SNX29: variants seen among roughly 807,000 people sequenced by gnomAD.
SNX29 encodes sorting nexin-29.
A neutral mutation model predicts 102.1 loss-of-function variants in SNX29; 78 were observed. That is an observed-to-expected ratio of 0.76 (90% CI 0.64 to 0.92). The LOEUF is 0.92. Among genes scored for constraint, SNX29 ranks in the 40% least tolerant of loss-of-function variants. The pLI is 0.00. For synonymous variants in SNX29, 580 were observed against 414.5 expected (o/e 1.40, Z -4.85); for missense variants, 1,280 against 1,061.7 (o/e 1.21, Z -2.86).
intron 20 of SNX29, 75 bp downstream of exon 20, chr16:12,524,916 G>T: frequency 1.3e-6 from 2 of 1,572,062 alleles, no homozygotes; most frequent in Non-Finnish European, 1.7e-6. Context: ...GAAGGTCAGG[G>T]AGCACAGCGG....
At chr16:12,126,431 G>T (rs144650556) in intron 11 of SNX29, among the ~76,000 whole-genome samples, 192 of 152,352 alleles carry the variant, frequency 1.3e-3, no homozygotes, top group Non-Finnish European at 1.9e-3. Context: ...TTGAACCTGG[G>T]ACCTGACTTC....
intron 19 of SNX29, among the ~76,000 whole-genome samples, chr16:12,523,802 C>A (rs1002762166): frequency 6.6e-6 from 1 of 152,186 alleles, no homozygotes; most frequent in Admixed American, 6.5e-5. Context: ...GACCTGGGGA[C>A]CTGTGCCTGC....
intron 20 of SNX29, among the ~76,000 whole-genome samples, chr16:12,560,044 G>T (rs1364674842): frequency 6.6e-6 from 1 of 151,870 alleles, no homozygotes; most frequent in African/African-American, 2.4e-5. Flanking sequence ...AATACACAAA[G>T]AAAAATGACT....
At chr16:12,164,811 C>T (rs2055944664) in intron 13 of SNX29, among the ~76,000 whole-genome samples, 2 of 151,746 alleles carry the variant, frequency 1.3e-5, no homozygotes, top group South Asian at 4.2e-4. Context: ...CCTCAGCCTC[C>T]TGAGTAGCTG....
chr16:12,170,981 T>C (rs1237062518), intron 13 of SNX29, among the ~76,000 whole-genome samples: 5 of 151,980 alleles, frequency 3.3e-5, no homozygotes, highest in Non-Finnish European at 7.4e-5. Context: ...CCAGCGTGTT[T>C]AGGGTGTTAG....
intron 16 of SNX29, among the ~76,000 whole-genome samples, chr16:12,397,056 T>A (rs1451547595): frequency 6.6e-6 from 1 of 152,152 alleles, no homozygotes; most frequent in Non-Finnish European, 1.5e-5. Context: ...TGGCTAATGT[T>A]TTTTTCCATT....
rs539133816 is a variant in SNX29 at position 12,566,913 on chromosome 16, G to A, written c.2319-1593G>A. On this transcript the variant is annotated intron_variant, in intron 20 of 20. Transcript: ENST00000566228. ...TACAGGAAAAGACAATCATTAAAAG[G>A]GGTCTTCATTTTGTTAGCTTATCAG... 4.6e-5 allele frequency among the ~76,000 whole-genome samples: 7 copies of A among 152,338 alleles called. No homozygotes were observed. In the South Asian group the frequency reaches 1.0e-3, roughly 23 times the overall value.
At position 12,484,211 on chromosome 16, in the gene SNX29, C is replaced by A. The variant is rs138168573; in HGVS notation, c.2178+6352C>A. Among the ~76,000 whole-genome samples, 8 of 152,128 alleles carry A rather than the reference C, an allele frequency of 5.3e-5. No homozygotes were observed. In the South Asian group the frequency reaches 6.2e-4, roughly 12 times the overall value. On this transcript the variant is annotated intron_variant, in intron 19 of 20. Transcript: ENST00000566228. The stretch of plus-strand genomic sequence containing the variant: ...TCACCCAGGCTGGAGTGTAGCGGTG[C>A]GATCATGGCTCACTGCAGCCTCGAA...
intron 20 of SNX29, among the ~76,000 whole-genome samples, chr16:12,539,884 C>G (rs556426240): frequency 2.0e-5 from 3 of 152,142 alleles, no homozygotes; most frequent in Non-Finnish European, 2.9e-5. Flanking sequence ...AGAAACTAGG[C>G]TGTTTGTGGT....
chr16:12,381,787 A>C, intron 16 of SNX29, among the ~76,000 whole-genome samples: 2 of 76,376 alleles, frequency 2.6e-5, no homozygotes, highest in Non-Finnish European at 5.0e-5. Context: ...CCACCCACCC[A>C]CCCATCATCT....
At chr16:12,187,163 T>C (rs747135286) in intron 13 of SNX29, among the ~76,000 whole-genome samples, 2 of 152,250 alleles carry the variant, frequency 1.3e-5, no homozygotes, top group Non-Finnish European at 2.9e-5. Flanking sequence ...TTCTCTACTT[T>C]GCTGTGGCCT....
At chr16:12,461,593 C>A (rs147401524) in intron 18 of SNX29, among the ~76,000 whole-genome samples, 31 of 152,222 alleles carry the variant, frequency 2.0e-4, no homozygotes, top group Admixed American at 5.2e-4. Context: ...AATTCTGCTT[C>A]GGGTTGGAAA....
intron 15 of SNX29, among the ~76,000 whole-genome samples, chr16:12,302,341 G>A (rs1335899272): frequency 2.6e-5 from 4 of 152,332 alleles, no homozygotes; most frequent in African/African-American, 4.8e-5. Flanking sequence ...CACTGACGCT[G>A]TAATTTTCTG....
At chr16:12,203,967 G>A (rs1465302075) in intron 14 of SNX29, among the ~76,000 whole-genome samples, 2 of 152,120 alleles carry the variant, frequency 1.3e-5, no homozygotes, top group Non-Finnish European at 1.5e-5. Flanking sequence ...CTGTGATGTC[G>A]GTGGCTTCAT....
intron 13 of SNX29, among the ~76,000 whole-genome samples, chr16:12,185,071 A>T (rs1310824062): frequency 6.6e-6 from 1 of 152,176 alleles, no homozygotes; most frequent in Admixed American, 6.5e-5. Flanking sequence ...TCCTGTGGCC[A>T]CCTTATTTTT....
chr16:12,570,053 A>G lies in SNX29; in HGVS notation c.*1424A>G, dbSNP rs565650388. On this transcript the variant is annotated 3_prime_UTR_variant, in exon 21 of 21. Transcript: ENST00000566228. ...TGGAGCATCTCCTAGGCTCGAGGAC[A>G]TCTCTGGAGAATCATCTGGAAGGTT... 6.1e-5 allele frequency: 33 copies of G among 543,956 alleles called. No homozygotes were observed. In the Admixed American group the frequency reaches 1.7e-3, roughly 28 times the overall value. The allele number at this position is 543,956 out of a possible 1,614,324, so 33.7% of individuals were successfully genotyped here.
chr16:12,511,512 G>T (rs2089618225), intron 19 of SNX29, among the ~76,000 whole-genome samples: 1 of 152,212 alleles, frequency 6.6e-6, no homozygotes, highest in African/African-American at 2.4e-5. Context: ...CACGTGTGAG[G>T]AGAGTGTAAC....
chr16:11,991,105 A>G (rs894614208), intron 1 of SNX29, among the ~76,000 whole-genome samples: 1 of 152,252 alleles, frequency 6.6e-6, no homozygotes. Flanking sequence ...AGTGAAAATC[A>G]GAAACAAATC....
chr16:12,228,792 TCCACGTGAAAAAG>T (rs1221124639), intron 14 of SNX29, among the ~76,000 whole-genome samples: 1 of 152,184 alleles, frequency 6.6e-6, no homozygotes, highest in Non-Finnish European at 1.5e-5. Flanking sequence ...TTTCCCACTG[TCCACGTGAAAAAG>T]CTAGGGGCAC....
Sources: allele counts gnomAD v4.1 joint callset (sites outside exome capture counted in the v4.1 genomes callset), GRCh38; gene constraint gnomAD v4.1.1; transcripts MANE v1.5; gene names NCBI Gene and HGNC (gene_info 2026-07-23, HGNC 2026-07-21).